The following BMX variants were observed in gnomAD, a reference collection of about 807,000 sequenced individuals.
BMX encodes cytoplasmic tyrosine-protein kinase BMX.
A neutral mutation model predicts 59.2 loss-of-function variants in BMX; 31 were observed. The ratio of observed to expected loss-of-function variants is 0.52; its 90% CI spans 0.39 to 0.71. The LOEUF (loss-of-function observed/expected upper bound fraction) is 0.71. Ranked by LOEUF, BMX falls within the 30% of genes least tolerant of loss-of-function variation. The pLI is 0.00. For synonymous variants in BMX, 185 were observed against 181.0 expected, an observed-to-expected ratio of 1.02 and a Z score of -0.18; for missense variants, 474 against 491.7, an observed-to-expected ratio of 0.96 and a Z score of 0.34.
At chrX:15,553,985 A>G (rs1416761179) in intron 18 of BMX, among the ~76,000 whole-genome samples, 1 of 112,448 alleles carries the variant, frequency 8.9e-6, no homozygotes, top group Non-Finnish European at 1.9e-5. Flanking sequence ...GCACCTAATG[A>G]GCAGAGCTTA....
chrX:15,509,451 A>G lies in BMX; in HGVS notation c.243+18A>G, dbSNP rs776595315. ...CATTTCAGGTAAAGGGAAGAACGACATTGCATTGGGTGGATAGTTCTTCCT... is the reference window on the plus strand; with the variant it reads ...CATTTCAGGTAAAGGGAAGAACGACGTTGCATTGGGTGGATAGTTCTTCCT... On this transcript the variant is annotated intron_variant, in intron 3 of 18. Coordinates refer to ENST00000348343, the MANE Select transcript of BMX (RefSeq NM_203281.3). 1.4e-5 allele frequency: 15 copies of G among 1,074,973 alleles called. No individual in the cohort carries two copies. Among genetic ancestry groups the G allele is most frequent in the Admixed American group, 4.6e-5 (2 of 43,062 alleles). The allele number at this position is 1,074,973 out of a possible 1,213,427, so 88.6% of individuals were successfully genotyped here.
chrX:15,517,669 C>A (rs1357777522), intron 5 of BMX, among the ~76,000 whole-genome samples: 1 of 112,429 alleles, frequency 8.9e-6, no homozygotes, highest in Non-Finnish European at 1.9e-5. Context: ...GGCATAACAA[C>A]TAAAAGAGAA....
At chrX:15,550,532 A>G (rs1926143841) in intron 18 of BMX, among the ~76,000 whole-genome samples, 2 of 110,672 alleles carry the variant, frequency 1.8e-5, no homozygotes, top group African/African-American at 6.6e-5. Context: ...AGATAAGGGT[A>G]TCTTATGGGG....
At chrX:15,512,948 C>A (rs1476841742) in intron 4 of BMX, among the ~76,000 whole-genome samples, 1 of 111,148 alleles carries the variant, frequency 9.0e-6, no homozygotes, top group African/African-American at 3.3e-5. Context: ...TGAAGACATA[C>A]GAAATGTAAA....
chrX:15,547,162 G>C (rs980894563), intron 17 of BMX, among the ~76,000 whole-genome samples: 1 of 111,917 alleles, frequency 8.9e-6, no homozygotes, highest in African/African-American at 3.3e-5. Flanking sequence ...AAATCAAAAG[G>C]GATAAATCTA....
In BMX at chrX:15,547,957, T is replaced by A. The variant is rs190888588; in HGVS notation, c.1795+1036T>A. ...CTGCTTGTCACCTACAAGACTGCCT[T>A]TGAAAAGGGGAAAATTTAGTTATTT... On this transcript the variant is annotated intron_variant, in intron 17 of 18. Transcript: ENST00000348343. Among the ~76,000 whole-genome samples the A allele has an allele frequency of 6.0e-3, 671 of 111,639 alleles. 1 individual carries two copies. The highest frequency in any genetic ancestry group is 9.6e-3 in the Non-Finnish European group (511 of 53,113).
At chrX:15,540,530 C>T (rs1172498261) in intron 14 of BMX, among the ~76,000 whole-genome samples, 1 of 109,225 alleles carries the variant, frequency 9.2e-6, no homozygotes, top group Non-Finnish European at 1.9e-5. Context: ...ATGTAACAAA[C>T]CTGCACGTTC....
chrX:15,519,616 C>T (rs1295390975), intron 6 of BMX, among the ~76,000 whole-genome samples: 1 of 111,498 alleles, frequency 9.0e-6, no homozygotes, highest in African/African-American at 3.3e-5. Context: ...CATTTGTGCT[C>T]TACTAAGGAA....
intron 13 of BMX, 120 bp downstream of exon 13, chrX:15,536,547 C>A: frequency 1.9e-6 from 1 of 519,963 alleles, no homozygotes; most frequent in Non-Finnish European, 2.9e-6. Flanking sequence ...GGCCTCTGTT[C>A]AGATTGTATC....
intron 7 of BMX, 60 bp from the exon 8 acceptor site, chrX:15,525,228 C>A (rs1924654250): frequency 9.5e-7 from 1 of 1,049,679 alleles, no homozygotes; most frequent in South Asian, 2.2e-5. Context: ...TTACTTTTGT[C>A]ATTTAAAATT....
In BMX at chrX:15,509,427, A is replaced by G. The variant is rs1923863166; in HGVS notation, c.237A>G (p.Pro79=). ...AGACGCCTGTAGAGAGACAGTACCCATTTCAGGTAAAGGGAAGAACGACAT... is the reference window on the plus strand; with the variant it reads ...AGACGCCTGTAGAGAGACAGTACCCGTTTCAGGTAAAGGGAAGAACGACAT... ...EEQTPVERQY[P]FQIVYKDGLL... is the part of the protein sequence containing the mutation. The change falls in exon 3 of 19, where the codon CCA becomes CCG. Residue 79 remains proline (P), a synonymous_variant. Coordinates refer to ENST00000348343, the MANE Select transcript of BMX (RefSeq NM_203281.3). 2 of 1,185,150 alleles carry G rather than the reference A, an allele frequency of 1.7e-6. No homozygotes were observed. The highest frequency in any genetic ancestry group is 1.8e-5 in the South Asian group (1 of 54,367).
Position 15,544,203 on chromosome X carries a change from GT to G in BMX, c.1676+1075del, listed in dbSNP as rs759448745. On this transcript the variant is annotated intron_variant, in intron 16 of 18. Transcript: ENST00000348343. ...GCCCTAAAATGCCATAGGAGGATCT[GT>G]TTTTTTAATGTCTTCTCCAAAATTC... Among the ~76,000 whole-genome samples, 7 of 111,335 alleles carry G rather than the reference GT, an allele frequency of 6.3e-5. No homozygotes were observed. The South Asian group carries it at 2.7e-3, about 43-fold the overall frequency.
At chrX:15,532,312 G>C (rs368180232) in intron 11 of BMX, among the ~76,000 whole-genome samples, 1 of 110,748 alleles carries the variant, frequency 9.0e-6, no homozygotes, top group African/African-American at 3.3e-5. Context: ...CTTATTGGTA[G>C]TTAGCTCTTT....
chrX:15,525,912 G>A, intron 8 of BMX, 130 bp from the exon 9 acceptor site: 1 of 541,704 alleles, frequency 1.8e-6, no homozygotes, highest in Non-Finnish European at 3.0e-6. Context: ...AGGTGCAGAA[G>A]GAGAAACCTA....
intron 18 of BMX, among the ~76,000 whole-genome samples, chrX:15,552,425 T>C (rs977047445): frequency 1.8e-5 from 2 of 112,278 alleles, no homozygotes; most frequent in Non-Finnish European, 3.8e-5. Context: ...TTTTGAATAA[T>C]GTTCTTTCCC....
Position 15,556,222 on chromosome X carries a change from C to A in BMX, c.*75C>A. 1 of 948,993 alleles carries A rather than the reference C, an allele frequency of 1.1e-6. No homozygotes were observed. The highest frequency in any genetic ancestry group is 2.8e-5 in the Admixed American group (1 of 35,461). The allele number at this position is 948,993 out of a possible 1,213,427, so 78.2% of individuals were successfully genotyped here. On this transcript the variant is annotated 3_prime_UTR_variant, in exon 19 of 19. Transcript: ENST00000348343. ...TTTTCATTCATTTTAAGGAAAGTAG[C>A]AAGGCATAATGTAATTTAGCTAGTT... is the stretch of plus-strand genomic sequence containing the variant.
intron 5 of BMX, among the ~76,000 whole-genome samples, chrX:15,517,595 G>C (rs950840301): frequency 8.9e-6 from 1 of 112,546 alleles, no homozygotes; most frequent in Non-Finnish European, 1.9e-5. Flanking sequence ...CTGTAATACT[G>C]TCTATCTGTC....
At chrX:15,511,370 T>C (rs1336055631) in intron 3 of BMX, 67 bp from the exon 4 acceptor site, 1 of 933,694 alleles carries the variant, frequency 1.1e-6, no homozygotes, top group Non-Finnish European at 1.5e-6. Context: ...GACAAAAAAT[T>C]TGCAGGTGCA....
chrX:15,515,971 T>C (rs1463097684), intron 4 of BMX, 141 bp from the exon 5 acceptor site: 24 of 791,229 alleles, frequency 3.0e-5, no homozygotes, highest in Non-Finnish European at 4.0e-5. Flanking sequence ...AAGACCTATA[T>C]CCTTCCGGAA....
Sources: allele counts gnomAD v4.1 joint callset (sites outside exome capture counted in the v4.1 genomes callset), GRCh38; gene constraint gnomAD v4.1.1; transcripts MANE v1.5; gene names NCBI Gene and HGNC (gene_info 2026-07-23, HGNC 2026-07-21).